SLC5A1: variants seen among roughly 807,000 people sequenced by gnomAD.
The protein encoded by SLC5A1 is sodium/glucose cotransporter 1.
A neutral mutation model predicts 73.5 loss-of-function variants in SLC5A1; 42 were observed. That is an observed-to-expected ratio of 0.57 (90% confidence interval 0.45 to 0.74). The LOEUF (loss-of-function observed/expected upper bound fraction) is 0.74. Among genes scored for constraint, SLC5A1 ranks in the 30% least tolerant of loss-of-function variants. SLC5A1 has a pLI of 0.00. For missense variants in SLC5A1, 634 were observed against 855.4 expected, an observed-to-expected ratio of 0.74 and a Z score of 3.23; for synonymous variants, 300 against 317.4, an observed-to-expected ratio of 0.95 and a Z score of 0.58.
intron 1 of SLC5A1, among the ~76,000 whole-genome samples, chr22:32,044,826 T>C (rs891079456): frequency 6.6e-6 from 1 of 152,220 alleles, no homozygotes; most frequent in Admixed American, 6.5e-5. Flanking sequence ...GAAAGCTGTT[T>C]ATGGACTCTA....
In SLC5A1 at chr22:32,112,541, C is replaced by CT. The variant is rs2094059126; in HGVS notation, c.*2331dup. ...AAAAATATTACACCTGTGAGACTGA[C>CT]TTTGAGAACCAGTGTGGGTGGGGAG... On this transcript the variant is annotated 3_prime_UTR_variant, in exon 15 of 15. Transcript: ENST00000266088. 1 of 152,198 alleles carries CT rather than the reference C, an allele frequency of 6.6e-6. No individual in the cohort carries two copies. Among genetic ancestry groups the CT allele is most frequent in the Non-Finnish European group, 1.5e-5 (1 of 68,038 alleles). The allele number at this position is 152,198 out of a possible 1,614,324, so 9.4% of individuals were successfully genotyped here.
At chr22:32,050,120 A>C in intron 2 of SLC5A1, 106 bp downstream of exon 2, 2 of 1,001,280 alleles carry the variant, frequency 2.0e-6, no homozygotes, top group South Asian at 2.5e-5. Flanking sequence ...GGATTCAAGG[A>C]TCCCAACCAG....
chr22:32,080,596 G>A (rs903830506), intron 5 of SLC5A1, among the ~76,000 whole-genome samples: 12 of 152,152 alleles, frequency 7.9e-5, no homozygotes, highest in Admixed American at 7.9e-4. Flanking sequence ...GCTCCGTCTG[G>A]GTGCTGTTTG....
chr22:32,060,610 C>A (rs1165636613), intron 2 of SLC5A1, among the ~76,000 whole-genome samples: 5 of 152,058 alleles, frequency 3.3e-5, no homozygotes. Context: ...TTATTCTGTC[C>A]CCCCAATTGC....
intron 2 of SLC5A1, among the ~76,000 whole-genome samples, chr22:32,054,683 A>C (rs1052946960): frequency 2.0e-5 from 3 of 151,354 alleles, no homozygotes; most frequent in Non-Finnish European, 4.4e-5. Flanking sequence ...TTATTTATTT[A>C]TTTATTTGAG....
intron 5 of SLC5A1, among the ~76,000 whole-genome samples, chr22:32,073,616 G>C (rs2093986156): frequency 6.6e-6 from 1 of 152,034 alleles, no homozygotes; most frequent in Non-Finnish European, 1.5e-5. Context: ...GAGTACTGTG[G>C]CGCGATCTTG....
chr22:32,071,770 T>C (rs895349202), intron 5 of SLC5A1, among the ~76,000 whole-genome samples: 1 of 152,152 alleles, frequency 6.6e-6, no homozygotes, highest in African/African-American at 2.4e-5. Flanking sequence ...AGATGTGAGT[T>C]GGATTGGATC....
intron 5 of SLC5A1, among the ~76,000 whole-genome samples, chr22:32,074,633 C>A (rs1241362708): frequency 6.6e-6 from 1 of 152,084 alleles, no homozygotes; most frequent in Non-Finnish European, 1.5e-5. Flanking sequence ...AAAGCCCAGG[C>A]TTTTATCTTA....
At chr22:32,046,934 T>C (rs1461424235) in intron 1 of SLC5A1, among the ~76,000 whole-genome samples, 1 of 152,250 alleles carries the variant, frequency 6.6e-6, no homozygotes, top group Non-Finnish European at 1.5e-5. Context: ...CCTTTGAGCC[T>C]CTTGTGCTCA....
intron 2 of SLC5A1, among the ~76,000 whole-genome samples, chr22:32,065,932 T>G (rs528793459): frequency 6.6e-6 from 1 of 152,238 alleles, no homozygotes; most frequent in Non-Finnish European, 1.5e-5. Context: ...CAAGCCACTC[T>G]TCATCTGCTT....
chr22:32,106,868 C>T (rs746181639), intron 14 of SLC5A1, among the ~76,000 whole-genome samples: 1 of 152,138 alleles, frequency 6.6e-6, no homozygotes, highest in Non-Finnish European at 1.5e-5. Context: ...TCATATCACT[C>T]CATCTGAAGG....
chr22:32,105,853 T>C (rs2094044777), intron 14 of SLC5A1, among the ~76,000 whole-genome samples: 1 of 152,224 alleles, frequency 6.6e-6, no homozygotes, highest in Non-Finnish European at 1.5e-5. Flanking sequence ...TTACTGTGAC[T>C]GGCCTATTTC....
At chr22:32,086,674 G>C (rs1249856519) in intron 10 of SLC5A1, among the ~76,000 whole-genome samples, 1 of 152,084 alleles carries the variant, frequency 6.6e-6, no homozygotes, top group East Asian at 1.9e-4. Flanking sequence ...ACCCATTATG[G>C]AAAACTGGAT....
At chr22:32,082,975 G>T (rs936447195) in intron 6 of SLC5A1, 99 bp from the exon 7 acceptor site, 2 of 933,076 alleles carry the variant, frequency 2.1e-6, no homozygotes, top group Admixed American at 2.5e-5. Flanking sequence ...GATGTTCTCA[G>T]AAGGCCAGCA....
intron 1 of SLC5A1, among the ~76,000 whole-genome samples, chr22:32,049,093 T>TATATAA (rs1555960662): frequency 8.5e-6 from 1 of 117,852 alleles, no homozygotes; most frequent in Non-Finnish European, 1.6e-5. Context: ...AATAAATAAA[T>TATATAA]ATATATATAT....
At position 32,110,262 on chromosome 22, in the gene SLC5A1, TC is replaced by T. The variant is rs1176910152; in HGVS notation, c.*51del. ...ACCATGGCTGGACTCTTACTCACCT[TC>T]CTTTAGTCTCGTCCTGTGGTGTTGA... On this transcript the variant is annotated 3_prime_UTR_variant, in exon 15 of 15. Coordinates refer to ENST00000266088, the MANE Select transcript of SLC5A1 (RefSeq NM_000343.4). The T allele has an allele frequency of 7.1e-7, 1 of 1,405,776 alleles. No individual in the cohort carries two copies. The highest frequency in any genetic ancestry group is 1.0e-6 in the Non-Finnish European group (1 of 992,352). 87.1% of individuals were successfully genotyped at this position (1,405,776 alleles called of 1,614,324 possible).
At chr22:32,046,949 A>G (rs1314119457) in intron 1 of SLC5A1, among the ~76,000 whole-genome samples, 1 of 152,252 alleles carries the variant, frequency 6.6e-6, no homozygotes, top group East Asian at 1.9e-4. Context: ...TGCTCACAGA[A>G]CAATGATTTT....
At position 32,084,573 on chromosome 22, in the gene SLC5A1, C is replaced by A; in HGVS notation, c.799C>A (p.Arg267=). 1 of 1,614,242 alleles carries A rather than the reference C, an allele frequency of 6.2e-7. No homozygotes were observed. Among genetic ancestry groups the A allele is most frequent in the South Asian group, 1.1e-5 (1 of 91,090 alleles). ...TPRADSFHIF[R]DPLTGDLPWP... ...AAGGGCCGACTCCTTCCACATCTTC[C>A]GAGATCCCCTCACGGGAGACCTCCC... is the stretch of plus-strand genomic sequence containing the variant. The change falls in exon 8 of 15, where the codon CGA becomes AGA. Residue 267 remains arginine (R), a synonymous_variant. Transcript: ENST00000266088.
At chr22:32,055,304 A>G (rs1311765692) in intron 2 of SLC5A1, among the ~76,000 whole-genome samples, 1 of 152,196 alleles carries the variant, frequency 6.6e-6, no homozygotes, top group Non-Finnish European at 1.5e-5. Flanking sequence ...CTAAATATTT[A>G]CTAGAGTCTC....
Sources: allele counts gnomAD v4.1 joint callset (sites outside exome capture counted in the v4.1 genomes callset), GRCh38; gene constraint gnomAD v4.1.1; transcripts MANE v1.5; gene names NCBI Gene and HGNC (gene_info 2026-07-23, HGNC 2026-07-21).